The following MAP9 variants were observed in gnomAD, a reference collection of about 807,000 sequenced individuals.
MAP9 encodes the protein microtubule-associated protein 9.
In MAP9, 80 loss-of-function variants were observed where a neutral mutation model predicts 75.2. The ratio of observed to expected loss-of-function variants is 1.06; its 90% confidence interval spans 0.89 to 1.28. The LOEUF is 1.28. Ranked by LOEUF, MAP9 falls within the 50% of genes most tolerant of loss-of-function variation. The probability of loss-of-function intolerance (pLI) is 0.00; values close to 1 mark genes in which losing one functional copy is unlikely to be tolerated. For missense variants in MAP9, 753 were observed against 719.9 expected (o/e 1.05, Z -0.53); for synonymous variants, 235 against 237.3 (o/e 0.99, Z 0.09).
chr4:155,347,911 G>C lies in MAP9; in HGVS notation c.1822-6C>G. 1 of 1,444,662 alleles carries C rather than the reference G, an allele frequency of 6.9e-7. No homozygotes were observed. Among genetic ancestry groups the C allele is most frequent in the South Asian group, 1.2e-5 (1 of 81,272 alleles). The allele number at this position is 1,444,662 out of a possible 1,614,324, so 89.5% of individuals were successfully genotyped here. On this transcript the variant is annotated splice_region_variant and splice_polypyrimidine_tract_variant and intron_variant, in intron 13 of 13. Coordinates refer to ENST00000311277, the MANE Select transcript of MAP9 (RefSeq NM_001039580.2). ...TCTTGTTTTTCCTTATTTTCCTAAA[G>C]AGAAAATAGAACACTATAAATTTAT... is the stretch of plus-strand genomic sequence containing the variant.
chr4:155,365,366 C>T (rs1474329303), intron 5 of MAP9, among the ~76,000 whole-genome samples: 3 of 151,816 alleles, frequency 2.0e-5, no homozygotes, highest in Non-Finnish European at 4.4e-5. Context: ...TTATAAAATA[C>T]TGACAGAACT....
chr4:155,373,370 C>T lies in MAP9; in HGVS notation c.247G>A (p.Glu83Lys), dbSNP rs1732692041. 1 of 1,611,250 alleles carries T rather than the reference C, an allele frequency of 6.2e-7. No individual in the cohort carries two copies. The highest frequency in any genetic ancestry group is 8.5e-7 in the Non-Finnish European group (1 of 1,178,378). Reference protein sequence around the residue: ...MNDFHISDDEEKNPSKLLFLK... With the variant: ...MNDFHISDDEKKNPSKLLFLK... ...AACAATAGTTTTGAAGGATTCTTTT[C>T]TTCATCATCTGATATATGAAAGTCA... The change falls in exon 4 of 14, where the codon GAA becomes AAA. Residue 83 changes from glutamate to lysine, a missense_variant. By Grantham distance (56) the Glu-to-Lys change is moderately conservative (BLOSUM62 1). Transcript: ENST00000311277.
intron 5 of MAP9, 57 bp from the exon 6 acceptor site, chr4:155,362,198 G>T: frequency 1.0e-6 from 1 of 1,002,142 alleles, no homozygotes. Flanking sequence ...AACATTTATG[G>T]GAACAATAGC....
At chr4:155,364,731 A>G (rs1024310748) in intron 5 of MAP9, among the ~76,000 whole-genome samples, 1 of 151,220 alleles carries the variant, frequency 6.6e-6, no homozygotes, top group African/African-American at 2.4e-5. Flanking sequence ...CAATAGCACA[A>G]TGGATGAGGG....
At chr4:155,368,844 A>G (rs1460457076) in intron 4 of MAP9, 32 bp from the exon 5 acceptor site, 1 of 1,538,700 alleles carries the variant, frequency 6.5e-7, no homozygotes, top group Non-Finnish European at 8.9e-7. Flanking sequence ...GTGTGTGTAT[A>G]AAAAAATGAC....
Position 155,375,792 on chromosome 4 carries a change from T to C in MAP9, c.59A>G (p.Lys20Arg). ...ATACTTTACCTGGAAAGTAGTTCTT[T>C]TGGTAACTTTTGGACTCTTTGTATA... ...LAYTKSPKVT[K>R]RTTFQDELIR... Residue 20 changes from lysine to arginine, a missense_variant, in exon 2 of 14, where the codon AAA becomes AGA. Transcript: ENST00000311277. 2 of 1,606,434 alleles carry C rather than the reference T, an allele frequency of 1.2e-6. No individual in the cohort carries two copies. Among genetic ancestry groups the C allele is most frequent in the Non-Finnish European group, 1.7e-6 (2 of 1,174,162 alleles).
intron 10 of MAP9, among the ~76,000 whole-genome samples, chr4:155,353,644 C>G (rs1162976291): frequency 6.6e-6 from 1 of 151,158 alleles, no homozygotes; most frequent in Non-Finnish European, 1.5e-5. Context: ...CAAATTATAT[C>G]AAAATAAACT....
At chr4:155,359,210 T>TATACACACACACACAC (rs371399839) in intron 7 of MAP9, among the ~76,000 whole-genome samples, 10 of 145,478 alleles carry the variant, frequency 6.9e-5, no homozygotes, top group African/African-American at 2.0e-4. Context: ...AAAATGTGTA[T>TATACACACACACACAC]ACACACACAC....
At position 155,369,718 on chromosome 4, in the gene MAP9, A is replaced by C. The variant is rs147427404; in HGVS notation, c.482-906T>G. Among the ~76,000 whole-genome samples the C allele has an allele frequency of 5.2e-3, 788 of 152,304 alleles. 9 individuals are homozygous for C. The highest frequency in any genetic ancestry group is 0.018 in the African/African-American group (737 of 41,556). On this transcript the variant is annotated intron_variant, in intron 4 of 13. Coordinates refer to ENST00000311277, the MANE Select transcript of MAP9 (RefSeq NM_001039580.2). ...ATGATGTTGGCACTCAAGGGATAGGAGTGCTAACTCTCATTAGAGGAAGGA... is the reference window on the plus strand; with the variant it reads ...ATGATGTTGGCACTCAAGGGATAGGCGTGCTAACTCTCATTAGAGGAAGGA...
intron 5 of MAP9, chr4:155,368,251 CTATT>C: frequency 2.1e-6 from 1 of 465,916 alleles, no homozygotes. Flanking sequence ...AAGATAAACA[CTATT>C]ATATAGATTC....
intron 13 of MAP9, 21 bp downstream of exon 13, chr4:155,352,575 G>C: frequency 6.4e-7 from 1 of 1,559,832 alleles, no homozygotes; most frequent in South Asian, 1.2e-5. Flanking sequence ...AGACGAAAGT[G>C]CATTGACAAA....
At chr4:155,348,456 G>T (rs1267931802) in intron 13 of MAP9, among the ~76,000 whole-genome samples, 1 of 151,986 alleles carries the variant, frequency 6.6e-6, no homozygotes, top group Non-Finnish European at 1.5e-5. Context: ...AAAAAGAATT[G>T]TATAAAATAG....
intron 6 of MAP9, chr4:155,361,465 A>G (rs1732076791): frequency 6.6e-6 from 1 of 152,148 alleles, no homozygotes; most frequent in African/African-American, 2.4e-5. Context: ...TAAGCTACGT[A>G]TCACTAAGAA....
intron 4 of MAP9, among the ~76,000 whole-genome samples, chr4:155,371,388 T>C (rs1732587687): frequency 6.6e-6 from 1 of 152,064 alleles, no homozygotes; most frequent in Admixed American, 6.6e-5. Flanking sequence ...TAAATACTTA[T>C]TATATATGCC....
At position 155,375,865 on chromosome 4, in the gene MAP9, C is replaced by T. The variant is rs755213314; in HGVS notation, c.-15G>A. ...TCATCAGACATAGTGTATTTTTTCT[C>T]GTTACCTTTATAAAATAGCTAATTA... On this transcript the variant is annotated 5_prime_UTR_variant, in exon 2 of 14. Transcript: ENST00000311277. 2 of 1,567,822 alleles carry T rather than the reference C, an allele frequency of 1.3e-6. No individual in the cohort carries two copies. The highest frequency in any genetic ancestry group is 1.4e-5 in the African/African-American group (1 of 73,420).
chr4:155,344,088 G>A lies in MAP9; in HGVS notation c.*3695C>T, dbSNP rs1312996354. 1 of 151,888 alleles carries A rather than the reference G, an allele frequency of 6.6e-6. No homozygotes were observed. Among genetic ancestry groups the A allele is most frequent in the Non-Finnish European group, 1.5e-5 (1 of 67,836 alleles). The allele number at this position is 151,888 out of a possible 1,614,324, so 9.4% of individuals were successfully genotyped here. ...TCTTGGGAATGATTATAACTAACAC[G>A]TAATTTCCCCTACTTTGTGAAATTC... On this transcript the variant is annotated 3_prime_UTR_variant, in exon 14 of 14. Coordinates refer to ENST00000311277, the MANE Select transcript of MAP9 (RefSeq NM_001039580.2).
intron 4 of MAP9, among the ~76,000 whole-genome samples, chr4:155,370,613 A>G (rs144206878): frequency 1.3e-5 from 2 of 152,202 alleles, no homozygotes; most frequent in African/African-American, 4.8e-5. Context: ...TTTAAGCAGA[A>G]TATTATATAA....
At chr4:155,360,449 C>A (rs2111232817) in intron 6 of MAP9, 34 bp from the exon 7 acceptor site, 3 of 1,575,114 alleles carry the variant, frequency 1.9e-6, no homozygotes, top group Middle Eastern at 1.7e-4. Flanking sequence ...ATTAAAACCC[C>A]CTTCTGAATT....
intron 13 of MAP9, 105 bp from the exon 14 acceptor site, chr4:155,348,010 A>G (rs1326315443): frequency 1.4e-6 from 1 of 702,722 alleles, no homozygotes. Context: ...GGATATTTAT[A>G]TATCACTTCC....
Sources: allele counts gnomAD v4.1 joint callset (sites outside exome capture counted in the v4.1 genomes callset), GRCh38; gene constraint gnomAD v4.1.1; transcripts MANE v1.5; gene names NCBI Gene and HGNC (gene_info 2026-07-23, HGNC 2026-07-21).